The following STX12 variants were observed in gnomAD, a reference collection of about 807,000 sequenced individuals.
The protein encoded by STX12 is syntaxin 12.
In STX12, 17 loss-of-function variants were observed where a neutral mutation model predicts 42.2. That is an observed-to-expected ratio of 0.40 (90% confidence interval 0.28 to 0.60). The LOEUF (loss-of-function observed/expected upper bound fraction) is 0.60. Among genes scored for constraint, STX12 ranks in the 20% least tolerant of loss-of-function variants. STX12 has a pLI of 0.39. For missense variants in STX12, 297 were observed against 330.9 expected, an observed-to-expected ratio of 0.90 and a Z score of 0.79; for synonymous variants, 108 against 116.7, an observed-to-expected ratio of 0.93 and a Z score of 0.48.
chr1:27,793,932 A>T (rs2088766850), intron 3 of STX12, among the ~76,000 whole-genome samples: 1 of 151,354 alleles, frequency 6.6e-6, no homozygotes. Context: ...AAATCTCAAC[A>T]TTTGCATCTC....
At chr1:27,780,471 G>A (rs941702158) in intron 1 of STX12, among the ~76,000 whole-genome samples, 3 of 152,118 alleles carry the variant, frequency 2.0e-5, no homozygotes, top group Non-Finnish European at 4.4e-5. Context: ...CCCTCCCAGA[G>A]TGCTGGGATT....
chr1:27,797,846 C>G (rs1022824172), intron 3 of STX12, among the ~76,000 whole-genome samples: 2 of 150,638 alleles, frequency 1.3e-5, no homozygotes, highest in Non-Finnish European at 2.9e-5. Flanking sequence ...TGCTAATTAG[C>G]CCTAAGGGGA....
chr1:27,773,585 T>C (rs1014675260), intron 1 of STX12, among the ~76,000 whole-genome samples, 160 bp downstream of exon 1: 1 of 152,074 alleles, frequency 6.6e-6, no homozygotes, highest in African/African-American at 2.4e-5. Flanking sequence ...TCCCCCAATC[T>C]GTCAGGCCCG....
Position 27,812,241 on chromosome 1 carries a change from A to T in STX12, c.549A>T (p.Glu183Asp), listed in dbSNP as rs2088907923. The change falls in exon 6 of 9, where the codon GAA becomes GAT. Residue 183 changes from glutamate to aspartate, a missense_variant. Coordinates refer to ENST00000373943, the MANE Select transcript of STX12 (RefSeq NM_177424.3). ...ITEQDLELIK[E>D]RETAIRQLEA... ...AGCAGGATTTGGAACTTATTAAAGAAAGAGAAACGGCAATTCGGCAGCTGG... is the reference window on the plus strand; with the variant it reads ...AGCAGGATTTGGAACTTATTAAAGATAGAGAAACGGCAATTCGGCAGCTGG... 6 of 1,559,042 alleles carry T rather than the reference A, an allele frequency of 3.8e-6. No individual in the cohort carries two copies. The East Asian group carries it at 1.4e-4, about 37-fold the overall frequency.
At chr1:27,816,674 C>T (rs1258104678) in intron 6 of STX12, among the ~76,000 whole-genome samples, 5 of 148,130 alleles carry the variant, frequency 3.4e-5, no homozygotes, top group Admixed American at 1.3e-4. Context: ...AATCCCAGCA[C>T]TTTGGGAGGC....
At chr1:27,792,858 C>T (rs1001394452) in intron 2 of STX12, among the ~76,000 whole-genome samples, 3 of 152,204 alleles carry the variant, frequency 2.0e-5, no homozygotes, top group African/African-American at 2.4e-5. Context: ...TGTATTTCTA[C>T]TACTTTAAGT....
chr1:27,792,479 G>T (rs1295087359), intron 2 of STX12, among the ~76,000 whole-genome samples: 1 of 151,140 alleles, frequency 6.6e-6, no homozygotes, highest in African/African-American at 2.4e-5. Flanking sequence ...ATTTTCTACT[G>T]CCTGGGATGT....
intron 2 of STX12, 46 bp from the exon 3 acceptor site, chr1:27,793,487 C>G: frequency 6.6e-7 from 1 of 1,526,714 alleles, no homozygotes; most frequent in Non-Finnish European, 9.1e-7. Context: ...GTGTATAACC[C>G]TCTCAAGAAG....
chr1:27,799,592 C>G (rs2088813419), intron 3 of STX12, among the ~76,000 whole-genome samples: 1 of 151,366 alleles, frequency 6.6e-6, no homozygotes, highest in Non-Finnish European at 1.5e-5. Flanking sequence ...AAGCAGTTCT[C>G]CTGCCTCAGC....
At chr1:27,801,864 T>C in intron 4 of STX12, 49 bp downstream of exon 4, 4 of 1,545,248 alleles carry the variant, frequency 2.6e-6, no homozygotes, top group Non-Finnish European at 3.5e-6. Flanking sequence ...AATGTTCTTT[T>C]CCAAGTTTGT....
chr1:27,787,552 G>A (rs2088707970), intron 1 of STX12, among the ~76,000 whole-genome samples: 1 of 152,018 alleles, frequency 6.6e-6, no homozygotes, highest in Non-Finnish European at 1.5e-5. Context: ...CCAGCTACTC[G>A]GGAGGCTGAG....
Position 27,824,259 on chromosome 1 carries a change from C to T in STX12, c.*1930C>T, listed in dbSNP as rs944269023. 2 of 152,070 alleles carry T rather than the reference C, an allele frequency of 1.3e-5. No homozygotes were observed. The highest frequency in any genetic ancestry group is 4.8e-5 in the African/African-American group (2 of 41,410). The allele number at this position is 152,070 out of a possible 1,614,324, so 9.4% of individuals were successfully genotyped here. A position where few individuals can be genotyped will look rare whatever the true frequency, so the allele number is the denominator to read the frequency against. ...AGAAAAAAGTCTTGGTTGTGAAAAA[C>T]GATTTGCATTTGGGTAAAATAAAGT... On this transcript the variant is annotated 3_prime_UTR_variant, in exon 9 of 9. Transcript: ENST00000373943.
chr1:27,801,057 T>C (rs1398024314), intron 3 of STX12, among the ~76,000 whole-genome samples: 2 of 152,206 alleles, frequency 1.3e-5, no homozygotes. Context: ...TTTTATATTC[T>C]CCAGGGCACC....
intron 1 of STX12, among the ~76,000 whole-genome samples, chr1:27,787,347 C>T (rs900596877): frequency 2.0e-5 from 3 of 152,168 alleles, no homozygotes; most frequent in Non-Finnish European, 2.9e-5. Context: ...TTTGCCTAAT[C>T]GTTGCTTCTT....
Position 27,812,154 on chromosome 1 carries a change from T to A in STX12, c.471-9T>A, listed in dbSNP as rs1191445753. On this transcript the variant is annotated splice_polypyrimidine_tract_variant and intron_variant, in intron 5 of 8. Coordinates refer to ENST00000373943, the MANE Select transcript of STX12 (RefSeq NM_177424.3). Reference sequence around the variant, plus strand: ...GGAGAAATCACCTAGTGTGCCTGTTTCCCTGCAGCCATGAGGAGTGGAACC... The same window carrying A: ...GGAGAAATCACCTAGTGTGCCTGTTACCCTGCAGCCATGAGGAGTGGAACC... The A allele has an allele frequency of 6.4e-7, 1 of 1,552,412 alleles. No homozygotes were observed. Among genetic ancestry groups the A allele is most frequent in the Non-Finnish European group, 8.7e-7 (1 of 1,147,070 alleles).
intron 4 of STX12, among the ~76,000 whole-genome samples, chr1:27,809,415 T>C (rs1032062541): frequency 5.9e-5 from 9 of 151,744 alleles, no homozygotes; most frequent in African/African-American, 2.2e-4. Context: ...TTAATATATA[T>C]TGATAATAGA....
chr1:27,776,462 C>T (rs1319168576), intron 1 of STX12, among the ~76,000 whole-genome samples: 1 of 151,968 alleles, frequency 6.6e-6, no homozygotes, highest in African/African-American at 2.4e-5. Context: ...ACCTGTAATC[C>T]CAGCACTTTA....
At chr1:27,785,883 G>T (rs1223797122) in intron 1 of STX12, among the ~76,000 whole-genome samples, 3 of 152,220 alleles carry the variant, frequency 2.0e-5, no homozygotes, top group Admixed American at 1.3e-4. Flanking sequence ...GGAGAAGGGA[G>T]CAGGTTAGAG....
intron 6 of STX12, among the ~76,000 whole-genome samples, chr1:27,816,452 T>A (rs2088942083): frequency 6.6e-6 from 1 of 151,874 alleles, no homozygotes; most frequent in Admixed American, 6.6e-5. Context: ...CCAGCCTGGA[T>A]GACAGAGCAA....
Sources: gnomAD v4.1 joint callset for allele counts (sites outside exome capture counted in the v4.1 genomes callset) on GRCh38, gnomAD v4.1.1 for gene constraint, MANE v1.5 for transcripts, NCBI Gene and HGNC (gene_info 2026-07-23, HGNC 2026-07-21) for gene names.